NRF1: variants seen among roughly 807,000 people sequenced by gnomAD.
NRF1 encodes alpha palindromic-binding protein.
NRF1 carries 5 observed loss-of-function variants against 58.5 expected under a neutral mutation model. The observed-to-expected ratio is 0.09, with a 90% CI of 0.04 to 0.18. The LOEUF is 0.18. NRF1 is among the 10% of genes least tolerant of loss of function. The pLI is 1.00. For missense variants in NRF1, 288 were observed against 657.7 expected (o/e 0.44, Z 6.15); for synonymous variants, 224 against 246.7 (o/e 0.91, Z 0.86).
intron 5 of NRF1, among the ~76,000 whole-genome samples, chr7:129,701,013 A>G (rs1802812783): frequency 6.6e-6 from 1 of 152,232 alleles, no homozygotes; most frequent in Non-Finnish European, 1.5e-5. Flanking sequence ...GTAAAGAATA[A>G]GGGTATATTC....
intron 9 of NRF1, among the ~76,000 whole-genome samples, chr7:129,723,046 C>T (rs1446439662): frequency 2.6e-5 from 4 of 152,082 alleles, no homozygotes; most frequent in South Asian, 2.1e-4. Flanking sequence ...CAGGTCACAG[C>T]GTAAATATTT....
intron 10 of NRF1, among the ~76,000 whole-genome samples, chr7:129,739,169 T>C (rs534635293): frequency 6.6e-6 from 1 of 152,382 alleles, no homozygotes; most frequent in East Asian, 1.9e-4. Context: ...TGTGGCTATT[T>C]GAATTTAAAT....
intron 2 of NRF1, among the ~76,000 whole-genome samples, chr7:129,666,162 A>T (rs999584412): frequency 4.6e-5 from 7 of 152,232 alleles, no homozygotes; most frequent in Non-Finnish European, 1.0e-4. Context: ...GTCAGTTATT[A>T]CTGCTTTCAC....
rs370676765 is a variant in NRF1, at chr7:129,666,709, T to C, written c.224-4720T>C. On this transcript the variant is annotated intron_variant, in intron 2 of 10. Transcript: ENST00000393232. ...ACCATACCTGGCTAATTTTTGTATT[T>C]TTAGTAGAGATGGGGTTTACCATGT... Among the ~76,000 whole-genome samples the C allele has an allele frequency of 2.0e-5, 3 of 152,266 alleles. No individual in the cohort carries two copies. The East Asian group carries it at 5.8e-4, about 29-fold the overall frequency.
intron 2 of NRF1, among the ~76,000 whole-genome samples, chr7:129,669,783 T>G (rs1325993660): frequency 6.6e-6 from 1 of 152,086 alleles, no homozygotes; most frequent in African/African-American, 2.4e-5. Flanking sequence ...AGTATGGAGA[T>G]TCCTCCAAAA....
chr7:129,629,510 G>A (rs1801000780), intron 1 of NRF1, among the ~76,000 whole-genome samples: 2 of 151,852 alleles, frequency 1.3e-5, no homozygotes, highest in Admixed American at 1.3e-4. Flanking sequence ...CCTGACCTCA[G>A]GTGATCTGTC....
At chr7:129,708,355 G>A (rs1022694766) in intron 5 of NRF1, among the ~76,000 whole-genome samples, 1 of 152,182 alleles carries the variant, frequency 6.6e-6, no homozygotes, top group Admixed American at 6.5e-5. Flanking sequence ...AAACCTGTTT[G>A]GTCTGGATTT....
intron 5 of NRF1, among the ~76,000 whole-genome samples, chr7:129,705,384 G>A (rs111264268): frequency 1.2e-4 from 19 of 152,154 alleles, no homozygotes; most frequent in African/African-American, 3.9e-4. Context: ...TCCGCCTCCC[G>A]GGATTAAGCG....
chr7:129,666,184 A>C (rs1324203857), intron 2 of NRF1, among the ~76,000 whole-genome samples: 1 of 152,166 alleles, frequency 6.6e-6, no homozygotes, highest in African/African-American at 2.4e-5. Flanking sequence ...TGTTTGCATC[A>C]AATGTTTTTT....
At chr7:129,649,869 T>G (rs1801497477) in intron 1 of NRF1, among the ~76,000 whole-genome samples, 1 of 152,214 alleles carries the variant, frequency 6.6e-6, no homozygotes, top group South Asian at 2.1e-4. Flanking sequence ...TCCTCTTGCC[T>G]TAGCCTCCTG....
chr7:129,664,167 G>GGGGAGA lies in NRF1; in HGVS notation c.223+6610_223+6615dup, dbSNP rs1198187319. Among the ~76,000 whole-genome samples, 4 of 151,976 alleles carry GGGGAGA rather than the reference G, an allele frequency of 2.6e-5. No individual in the cohort carries two copies. In the East Asian group the frequency reaches 5.8e-4, roughly 22 times the overall value. ...GAGGGGGAAAGGGAGGGAGAGGGTAGGGGAGAGGGAGAGGGAGAGGGATCC... is the reference window on the plus strand; with the variant it reads ...GAGGGGGAAAGGGAGGGAGAGGGTAGGGGAGAGGGAGAGGGAGAGGGAGAGGGATCC... On this transcript the variant is annotated intron_variant, in intron 2 of 10. Coordinates refer to ENST00000393232, the MANE Select transcript of NRF1 (RefSeq NM_005011.5).
chr7:129,646,888 C>A (rs1801417314), intron 1 of NRF1, among the ~76,000 whole-genome samples: 1 of 152,098 alleles, frequency 6.6e-6, no homozygotes, highest in African/African-American at 2.4e-5. Context: ...AGGAGAGTTA[C>A]AGAAACTGTA....
At chr7:129,754,989 C>T (rs1297092846) in intron 10 of NRF1, 29 bp from the exon 11 acceptor site, 2 of 1,552,440 alleles carry the variant, frequency 1.3e-6, no homozygotes, top group African/African-American at 2.8e-5. Context: ...GCCTGAGCCC[C>T]ACCAACGGTC....
At chr7:129,719,236 G>T (rs1274011744) in intron 9 of NRF1, among the ~76,000 whole-genome samples, 1 of 151,810 alleles carries the variant, frequency 6.6e-6, no homozygotes, top group Non-Finnish European at 1.5e-5. Context: ...GGGTTCAAGT[G>T]ATTCTCCTGC....
chr7:129,681,938 C>G (rs1266209006), intron 4 of NRF1, among the ~76,000 whole-genome samples: 1 of 150,608 alleles, frequency 6.6e-6, no homozygotes, highest in African/African-American at 2.4e-5. Flanking sequence ...AAAAAAAAGC[C>G]AGGCATACTG....
intron 10 of NRF1, among the ~76,000 whole-genome samples, chr7:129,742,040 T>G (rs569249792): frequency 2.0e-5 from 3 of 152,272 alleles, no homozygotes; most frequent in African/African-American, 7.2e-5. Context: ...GGCACCTGCT[T>G]CATTCAACAG....
intron 1 of NRF1, among the ~76,000 whole-genome samples, chr7:129,628,173 AG>A (rs1208553512): frequency 6.7e-6 from 1 of 149,422 alleles, no homozygotes; most frequent in Non-Finnish European, 1.5e-5. Context: ...CCTCCCAAGT[AG>A]CTGGGACTAC....
At chr7:129,694,920 A>G (rs948299527) in intron 5 of NRF1, among the ~76,000 whole-genome samples, 1 of 152,190 alleles carries the variant, frequency 6.6e-6, no homozygotes, top group African/African-American at 2.4e-5. Flanking sequence ...CATGCTTACA[A>G]TAGGAAAATT....
At chr7:129,685,959 G>A (rs1213885877) in intron 4 of NRF1, among the ~76,000 whole-genome samples, 2 of 151,738 alleles carry the variant, frequency 1.3e-5, no homozygotes, top group East Asian at 1.9e-4. Context: ...AAAAATAGCC[G>A]GGCATGGTGG....
Sources: allele counts gnomAD v4.1 joint callset (sites outside exome capture counted in the v4.1 genomes callset), GRCh38; gene constraint gnomAD v4.1.1; transcripts MANE v1.5; gene names NCBI Gene and HGNC (gene_info 2026-07-23, HGNC 2026-07-21).